Variants in COL11A1 observed in about 807,000 individuals in gnomAD.
COL11A1 encodes the protein collagen alpha-1(XI) chain.
Under a neutral mutation model 265.2 loss-of-function variants are expected in COL11A1, and 74 were observed. That is an observed-to-expected ratio of 0.28 (90% confidence interval 0.23 to 0.34). The LOEUF is 0.34. COL11A1 is among the 10% of genes least tolerant of loss of function. COL11A1 has a pLI of 1.00. For synonymous variants in COL11A1, 816 were observed against 727.6 expected, an observed-to-expected ratio of 1.12 and a Z score of -1.96; for missense variants, 2,165 against 2,263.6, an observed-to-expected ratio of 0.96 and a Z score of 0.88.
At chr1:103,054,615 CA>C (rs1445337435) in intron 4 of COL11A1, among the ~76,000 whole-genome samples, 1 of 151,906 alleles carries the variant, frequency 6.6e-6, no homozygotes, top group Non-Finnish European at 1.5e-5. Context: ...AAAAAAAAGC[CA>C]ACAGGTCAGG....
At chr1:102,989,726 T>C (rs1393117277) in intron 28 of COL11A1, among the ~76,000 whole-genome samples, 155 bp from the exon 29 acceptor site, 1 of 152,120 alleles carries the variant, frequency 6.6e-6, no homozygotes, top group East Asian at 1.9e-4. Flanking sequence ...CTTTTCCAAC[T>C]CCAGCCACAG....
intron 4 of COL11A1, among the ~76,000 whole-genome samples, chr1:103,045,259 C>A (rs3908855): frequency 1.1e-4 from 17 of 152,120 alleles, no homozygotes; most frequent in Non-Finnish European, 2.2e-4. Context: ...AATGAAATGC[C>A]ACTGGAAGAT....
chr1:103,092,952 T>A (rs941397442), intron 1 of COL11A1, among the ~76,000 whole-genome samples: 2 of 151,054 alleles, frequency 1.3e-5, no homozygotes, highest in African/African-American at 2.4e-5. Flanking sequence ...GAGTCCAGCA[T>A]AAGGATCATT....
chr1:102,908,136 T>C (rs1654208857), intron 54 of COL11A1, among the ~76,000 whole-genome samples: 1 of 152,134 alleles, frequency 6.6e-6, no homozygotes, highest in Admixed American at 6.5e-5. Flanking sequence ...TAATTTCTGG[T>C]ACACACTTTC....
intron 54 of COL11A1, among the ~76,000 whole-genome samples, chr1:102,900,598 G>T (rs1271014671): frequency 6.6e-6 from 1 of 152,022 alleles, no homozygotes; most frequent in Non-Finnish European, 1.5e-5. Context: ...TAGTAGAAAA[G>T]ATATATCAAT....
intron 21 of COL11A1, among the ~76,000 whole-genome samples, 155 bp from the exon 22 acceptor site, chr1:103,002,946 C>T (rs906687426): frequency 6.6e-6 from 1 of 152,162 alleles, no homozygotes; most frequent in Non-Finnish European, 1.5e-5. Flanking sequence ...AAGACCTATA[C>T]TTTCTTTTCC....
chr1:102,974,956 T>G, intron 35 of COL11A1, 73 bp from the exon 36 acceptor site: 1 of 1,099,826 alleles, frequency 9.1e-7, no homozygotes, highest in Non-Finnish European at 1.4e-6. Context: ...TTGAGGTTTA[T>G]TTACATAGAC....
chr1:102,987,716 T>C lies in COL11A1; in HGVS notation c.2419A>G (p.Arg807Gly). ...GGTCCTTCAGGGCCATCTTCCCCTCTTGGGCCAATTTGACCAACTTCTCCC... is the reference window on the plus strand; with the variant it reads ...GGTCCTTCAGGGCCATCTTCCCCTCCTGGGCCAATTTGACCAACTTCTCCC... ...DRGEVGQIGP[R>G]GEDGPEGPKG... Residue 807 changes from arginine to glycine, a missense_variant, in exon 30 of 67, where the codon AGA (arginine) becomes GGA (glycine). Coordinates refer to ENST00000370096, the MANE Select transcript of COL11A1 (RefSeq NM_001854.4). 1.9e-6 allele frequency: 3 copies of C among 1,613,582 alleles called. No individual in the cohort carries two copies. The South Asian group carries it at 3.3e-5, about 18-fold the overall frequency.
chr1:102,996,033 C>T lies in COL11A1; in HGVS notation c.2251G>A (p.Gly751Ser), dbSNP rs766589007. The stretch of plus-strand genomic sequence containing the variant: ...GGGTATCCAATAGGACCTTGTGGAC[C>T]AGGGGGACCCTGAAATAGATGAATT... ...SGEKGALGPP[G>S]PQGPIGYPGP... is the part of the protein sequence containing the mutation. Residue 751 changes from glycine (G) to serine (S), a missense_variant, in exon 27 of 67, where the codon GGT becomes AGT. By Grantham distance (56) the Gly-to-Ser change is moderately conservative (BLOSUM62 0). Coordinates refer to ENST00000370096, the MANE Select transcript of COL11A1 (RefSeq NM_001854.4). 3 of 1,613,210 alleles carry T rather than the reference C, an allele frequency of 1.9e-6. No homozygotes were observed. The South Asian group carries it at 3.3e-5, about 18-fold the overall frequency.
chr1:102,926,505 T>C (rs752330413), intron 46 of COL11A1, among the ~76,000 whole-genome samples: 4 of 152,174 alleles, frequency 2.6e-5, no homozygotes, highest in African/African-American at 4.8e-5. Flanking sequence ...TATTCTGCCA[T>C]GAAGACTCAA....
Position 102,935,084 on chromosome 1 carries a change from T to C in COL11A1, c.3468A>G (p.Gly1156=). The C allele has an allele frequency of 6.2e-7, 1 of 1,614,042 alleles. No individual in the cohort carries two copies. The highest frequency in any genetic ancestry group is 8.5e-7 in the Non-Finnish European group (1 of 1,179,972). The change falls in exon 45 of 67, where the codon GGA becomes GGG. Residue 1156 remains glycine, a synonymous_variant. Transcript: ENST00000370096. Reference sequence around the variant, plus strand: ...CAGCAATTCCAGGGGCACCAACTGGTCCTTGAAGACCTGGGGGACCGGGAG... The same window carrying C: ...CAGCAATTCCAGGGGCACCAACTGGCCCTTGAAGACCTGGGGGACCGGGAG... ...NGPPGPPGLQ[G]PVGAPGIAGG...
intron 35 of COL11A1, 93 bp downstream of exon 35, chr1:102,978,615 A>G (rs1207858276): frequency 4.5e-6 from 6 of 1,321,590 alleles, no homozygotes; most frequent in Non-Finnish European, 6.5e-6. Flanking sequence ...AGACATGCAC[A>G]TGTATTAGCA....
chr1:103,090,966 T>C (rs550241484), intron 1 of COL11A1, among the ~76,000 whole-genome samples: 1 of 152,266 alleles, frequency 6.6e-6, no homozygotes, highest in East Asian at 1.9e-4. Flanking sequence ...GTATTCCAGA[T>C]GCAAACAACC....
At position 103,053,861 on chromosome 1, in the gene COL11A1, T is replaced by C. The variant is rs539088819; in HGVS notation, c.651+20757A>G. Among the ~76,000 whole-genome samples, 13 of 152,356 alleles carry C rather than the reference T, an allele frequency of 8.5e-5. No homozygotes were observed. The East Asian group carries it at 2.5e-3, about 29-fold the overall frequency. On this transcript the variant is annotated intron_variant, in intron 4 of 66. Coordinates refer to ENST00000370096, the MANE Select transcript of COL11A1 (RefSeq NM_001854.4). Reference sequence around the variant, plus strand: ...TAAATACTGCTAAAAGATACTATCATGTAAATACATTTGACTATTTCTTCA... The same window carrying C: ...TAAATACTGCTAAAAGATACTATCACGTAAATACATTTGACTATTTCTTCA...
Position 102,978,768 on chromosome 1 carries a change from GA to G in COL11A1, c.2710-17del, listed in dbSNP as rs772197647. The G allele has an allele frequency of 1.2e-6, 2 of 1,614,076 alleles. No individual in the cohort carries two copies. The highest frequency in any genetic ancestry group is 3.3e-5 in the Admixed American group (2 of 60,012). ...CTGAAGTGCCCTGGCACCAAGAAAA[GA>G]AAAGAAAAATCAGTTTGAATTCTTT... is the stretch of plus-strand genomic sequence containing the variant. On this transcript the variant is annotated splice_polypyrimidine_tract_variant and intron_variant, in intron 34 of 66. Coordinates refer to ENST00000370096, the MANE Select transcript of COL11A1 (RefSeq NM_001854.4).
chr1:102,918,037 A>G (rs1165004609), intron 49 of COL11A1, among the ~76,000 whole-genome samples: 2 of 151,546 alleles, frequency 1.3e-5, no homozygotes, highest in African/African-American at 4.8e-5. Context: ...ACAAATCAAT[A>G]AATCATTGCA....
At chr1:103,065,474 C>G (rs1430082118) in intron 4 of COL11A1, among the ~76,000 whole-genome samples, 1 of 141,164 alleles carries the variant, frequency 7.1e-6, no homozygotes, top group Non-Finnish European at 1.5e-5. Context: ...GAGCCCAGAT[C>G]GCGCCACTAC....
At chr1:102,984,458 G>A (rs1663345983) in intron 30 of COL11A1, among the ~76,000 whole-genome samples, 1 of 151,932 alleles carries the variant, frequency 6.6e-6, no homozygotes, top group Non-Finnish European at 1.5e-5. Context: ...TGAACCCTGA[G>A]GTTTTAAAGA....
chr1:103,076,693 T>A (rs1404046315), intron 3 of COL11A1, among the ~76,000 whole-genome samples: 1 of 152,148 alleles, frequency 6.6e-6, no homozygotes, highest in Non-Finnish European at 1.5e-5. Context: ...TCATTCATAT[T>A]AAACTGTCCT....
Sources: allele counts gnomAD v4.1 joint callset (sites outside exome capture counted in the v4.1 genomes callset), GRCh38; gene constraint gnomAD v4.1.1; transcripts MANE v1.5; gene names NCBI Gene and HGNC (gene_info 2026-07-23, HGNC 2026-07-21).